The following CNTN5 variants were observed in gnomAD, a reference collection of about 807,000 sequenced individuals.
The protein encoded by CNTN5 is contactin 5.
In CNTN5, 77 loss-of-function variants were observed where a neutral mutation model predicts 129.1. The observed-to-expected ratio is 0.60, with a 90% confidence interval of 0.50 to 0.72. CNTN5 has a LOEUF of 0.72. CNTN5 is among the 30% of genes least tolerant of loss of function. The pLI is 0.00. For missense variants in CNTN5, 1,478 were observed against 1,328.8 expected (o/e 1.11, Z -1.75); for synonymous variants, 509 against 465.6 (o/e 1.09, Z -1.20).
At chr11:100,311,409 C>A (rs940320718) in intron 21 of CNTN5, among the ~76,000 whole-genome samples, 1 of 151,810 alleles carries the variant, frequency 6.6e-6, no homozygotes, top group Non-Finnish European at 1.5e-5. Context: ...ATTTTAGGAA[C>A]TTTTTTTATT....
intron 18 of CNTN5, among the ~76,000 whole-genome samples, chr11:100,291,289 C>A (rs1950961163): frequency 6.6e-6 from 1 of 151,974 alleles, no homozygotes; most frequent in Non-Finnish European, 1.5e-5. Flanking sequence ...AATCATGCTG[C>A]TATAAAGACA....
chr11:99,079,170 G>T (rs1865697193), intron 1 of CNTN5, among the ~76,000 whole-genome samples: 1 of 152,054 alleles, frequency 6.6e-6, no homozygotes, highest in African/African-American at 2.4e-5. Context: ...TTTCCATTTG[G>T]ATAATTTTAA....
intron 6 of CNTN5, among the ~76,000 whole-genome samples, chr11:99,898,253 C>A (rs978238121): frequency 2.6e-5 from 4 of 151,142 alleles, no homozygotes; most frequent in African/African-American, 9.7e-5. Flanking sequence ...AAAAATGATA[C>A]AAAGGATCAA....
intron 9 of CNTN5, among the ~76,000 whole-genome samples, chr11:100,036,742 A>G (rs1197912734): frequency 6.7e-6 from 1 of 149,062 alleles, no homozygotes; most frequent in Admixed American, 6.7e-5. Flanking sequence ...TGTGAATGGG[A>G]GTTCACTCAT....
chr11:99,914,157 AC>A (rs907226991), intron 6 of CNTN5, among the ~76,000 whole-genome samples: 4 of 151,984 alleles, frequency 2.6e-5, no homozygotes, highest in Admixed American at 2.0e-4. Context: ...GGATTTCTTG[AC>A]CCCAGGATTT....
intron 1 of CNTN5, among the ~76,000 whole-genome samples, chr11:99,163,382 T>G (rs974933481): frequency 7.4e-6 from 1 of 135,670 alleles, no homozygotes; most frequent in Non-Finnish European, 1.6e-5. Flanking sequence ...TAAGATTTGT[T>G]GTTCACTAGA....
intron 8 of CNTN5, among the ~76,000 whole-genome samples, chr11:99,960,492 C>T (rs1222984077): frequency 2.0e-5 from 3 of 151,994 alleles, no homozygotes; most frequent in Non-Finnish European, 4.4e-5. Context: ...ATAATTATGA[C>T]TTAATATGAT....
intron 13 of CNTN5, among the ~76,000 whole-genome samples, chr11:100,094,512 A>T (rs1333988903): frequency 6.6e-6 from 1 of 152,096 alleles, no homozygotes; most frequent in Non-Finnish European, 1.5e-5. Flanking sequence ...CAAACGTTTA[A>T]ATAATATTTC....
At chr11:100,284,610 T>A (rs1016545271) in intron 18 of CNTN5, among the ~76,000 whole-genome samples, 1 of 152,236 alleles carries the variant, frequency 6.6e-6, no homozygotes, top group African/African-American at 2.4e-5. Context: ...CATTGTCAAT[T>A]TTGTCATTTA....
chr11:100,174,957 T>C (rs1257176499), intron 13 of CNTN5, among the ~76,000 whole-genome samples: 1 of 152,128 alleles, frequency 6.6e-6, no homozygotes, highest in Non-Finnish European at 1.5e-5. Flanking sequence ...AGAAAGACCA[T>C]GGTGACAGCA....
At position 100,271,337 on chromosome 11, in the gene CNTN5, C is replaced by A. The variant is rs116586272; in HGVS notation, c.2314+96C>A. On this transcript the variant is annotated intron_variant, in intron 18 of 24. Transcript: ENST00000524871. ...ATGATTGCTCCATTGCTTGCTTTAG[C>A]ATAATTTGTCCTGATTCATTTACCT... is the stretch of plus-strand genomic sequence containing the variant. 2.9e-3 allele frequency: 2,254 copies of A among 777,970 alleles called. 17 individuals are homozygous for A. In the African/African-American group the frequency reaches 0.03, roughly 10 times the overall value. 48.2% of individuals were successfully genotyped at this position (777,970 alleles called of 1,614,324 possible). A position where few individuals can be genotyped will look rare whatever the true frequency, so the allele number is the denominator to read the frequency against.
intron 3 of CNTN5, among the ~76,000 whole-genome samples, chr11:99,677,206 G>C (rs1367005119): frequency 6.6e-6 from 1 of 152,060 alleles, no homozygotes; most frequent in Non-Finnish European, 1.5e-5. Context: ...ATGTTTTATT[G>C]GCCGTCGCTC....
intron 6 of CNTN5, among the ~76,000 whole-genome samples, chr11:99,875,735 AC>A (rs113837164): frequency 0.1 from 15,136 of 152,116 alleles, 1,371 homozygotes; most frequent in East Asian, 0.43. Flanking sequence ...ACTCTGGTGT[AC>A]CTTTTTTAAA....
Position 100,356,518 on chromosome 11 carries a change from G to T in CNTN5, c.*298G>T. On this transcript the variant is annotated 3_prime_UTR_variant, in exon 25 of 25. Transcript: ENST00000524871. The stretch of plus-strand genomic sequence containing the variant: ...AATGTATTCTTTACTTTTTTAATAT[G>T]TTGGGATTTTATTTTATATCTGATG... 3 of 364,382 alleles carry T rather than the reference G, an allele frequency of 8.2e-6. 1 individual carries two copies. Among genetic ancestry groups the T allele is most frequent in the Admixed American group, 8.5e-5 (2 of 23,392 alleles). 22.6% of individuals were successfully genotyped at this position (364,382 alleles called of 1,614,324 possible). A position where few individuals can be genotyped will look rare whatever the true frequency, so the allele number is the denominator to read the frequency against.
chr11:100,005,869 C>G (rs11222313), intron 9 of CNTN5, among the ~76,000 whole-genome samples: 10,732 of 152,186 alleles, frequency 0.071, 786 homozygotes, highest in East Asian at 0.31. Context: ...TTCAACTTTA[C>G]CTGTTCCCAG....
intron 9 of CNTN5, among the ~76,000 whole-genome samples, chr11:100,031,062 T>C (rs1448187882): frequency 6.6e-6 from 1 of 152,220 alleles, no homozygotes; most frequent in Non-Finnish European, 1.5e-5. Context: ...CTATAGGTGC[T>C]AGCTTTACTT....
At chr11:99,363,868 T>C (rs1400730517) in intron 2 of CNTN5, among the ~76,000 whole-genome samples, 1 of 152,156 alleles carries the variant, frequency 6.6e-6, no homozygotes, top group Non-Finnish European at 1.5e-5. Flanking sequence ...CTGTGTTATC[T>C]TGACGCTATC....
At chr11:100,320,338 C>T (rs1289033376) in intron 21 of CNTN5, among the ~76,000 whole-genome samples, 4 of 152,078 alleles carry the variant, frequency 2.6e-5, no homozygotes, top group African/African-American at 7.2e-5. Flanking sequence ...CCATTTGTAT[C>T]TCTACTTTTA....
intron 8 of CNTN5, among the ~76,000 whole-genome samples, chr11:99,981,130 G>T (rs1472260491): frequency 1.0e-5 from 1 of 96,292 alleles, no homozygotes; most frequent in Non-Finnish European, 2.3e-5. Flanking sequence ...ATATGAAAGA[G>T]AATTGATTAG....
Sources: gnomAD v4.1 joint callset for allele counts (sites outside exome capture counted in the v4.1 genomes callset) on GRCh38, gnomAD v4.1.1 for gene constraint, MANE v1.5 for transcripts, NCBI Gene and HGNC (gene_info 2026-07-23, HGNC 2026-07-21) for gene names.